The following GPC5 variants were observed in gnomAD, a reference collection of about 807,000 sequenced individuals.
GPC5 encodes the protein glypican 5, also known as glypican-5.
In GPC5, 47 loss-of-function variants were observed where a neutral mutation model predicts 53.9. That is an observed-to-expected ratio of 0.87 (90% CI 0.69 to 1.11). The LOEUF is 1.11. Among genes scored for constraint, GPC5 ranks in the 50% most tolerant of loss-of-function variants. GPC5 has a pLI of 0.00. For missense variants in GPC5, 748 were observed against 713.1 expected, an observed-to-expected ratio of 1.05 and a Z score of -0.56; for synonymous variants, 286 against 263.3, an observed-to-expected ratio of 1.09 and a Z score of -0.84.
At position 92,142,182 on chromosome 13, in the gene GPC5, A is replaced by G. The variant is rs568910292; in HGVS notation, c.1402-2648A>G. Among the ~76,000 whole-genome samples, 53 of 152,342 alleles carry G rather than the reference A, an allele frequency of 3.5e-4. 1 individual carries two copies. Among genetic ancestry groups the G allele is most frequent in the African/African-American group, 1.2e-3 (48 of 41,580 alleles). On this transcript the variant is annotated intron_variant, in intron 6 of 7. Coordinates refer to ENST00000377067, the MANE Select transcript of GPC5 (RefSeq NM_004466.6). Reference sequence around the variant, plus strand: ...TGCACGTTGTGCACATGTACCCTAGAACTTAAAGTATAATTTTTAAAAAAG... The same window carrying G: ...TGCACGTTGTGCACATGTACCCTAGGACTTAAAGTATAATTTTTAAAAAAG...
intron 7 of GPC5, among the ~76,000 whole-genome samples, chr13:92,655,067 A>AT (rs1035451593): frequency 2.6e-5 from 4 of 152,252 alleles, no homozygotes; most frequent in African/African-American, 9.6e-5. Context: ...CCTGAGTTAG[A>AT]TTTTCCCTCA....
chr13:92,312,911 G>T (rs2043154958), intron 7 of GPC5, among the ~76,000 whole-genome samples: 1 of 152,196 alleles, frequency 6.6e-6, no homozygotes, highest in South Asian at 2.1e-4. Context: ...ATACAAATGG[G>T]TAATAAATTT....
chr13:91,630,468 T>C (rs2034127988), intron 2 of GPC5, among the ~76,000 whole-genome samples: 1 of 152,146 alleles, frequency 6.6e-6, no homozygotes, highest in Non-Finnish European at 1.5e-5. Context: ...AGGACAGATA[T>C]AGAAAATATT....
intron 1 of GPC5, among the ~76,000 whole-genome samples, chr13:91,445,359 G>A (rs1309788193): frequency 6.6e-6 from 1 of 152,176 alleles, no homozygotes; most frequent in Non-Finnish European, 1.5e-5. Context: ...CGCATAGACA[G>A]CGGAGATCTC....
At chr13:92,205,459 G>A (rs919248796) in intron 7 of GPC5, among the ~76,000 whole-genome samples, 8 of 152,100 alleles carry the variant, frequency 5.3e-5, no homozygotes, top group African/African-American at 1.9e-4. Context: ...GGCCCAGGCA[G>A]CCCACTATAA....
chr13:92,750,715 G>A (rs1889363963), intron 7 of GPC5, among the ~76,000 whole-genome samples: 2 of 152,112 alleles, frequency 1.3e-5, no homozygotes, highest in African/African-American at 4.8e-5. Flanking sequence ...ATCCAAAAGA[G>A]GGTTAATTCT....
chr13:91,528,598 A>AC (rs1886194613), intron 2 of GPC5, among the ~76,000 whole-genome samples: 1 of 152,112 alleles, frequency 6.6e-6, no homozygotes, highest in African/African-American at 2.4e-5. Flanking sequence ...CTCATTACCC[A>AC]CATCCAAAGT....
intron 7 of GPC5, among the ~76,000 whole-genome samples, chr13:92,615,260 T>C (rs1884642558): frequency 6.6e-6 from 1 of 152,226 alleles, no homozygotes; most frequent in Non-Finnish European, 1.5e-5. Context: ...CTTAGCATTA[T>C]AGACAATTTC....
intron 1 of GPC5, among the ~76,000 whole-genome samples, chr13:91,441,320 A>G (rs1035638765): frequency 2.2e-4 from 34 of 152,354 alleles, no homozygotes; most frequent in African/African-American, 7.5e-4. Flanking sequence ...AGGTGTTATC[A>G]GACCTTCATT....
At chr13:92,336,290 CTTATAA>C (rs766782071) in intron 7 of GPC5, among the ~76,000 whole-genome samples, 27 of 152,144 alleles carry the variant, frequency 1.8e-4, no homozygotes, top group Non-Finnish European at 3.7e-4. Context: ...TAATCAGTAA[CTTATAA>C]TTATCAGGTA....
chr13:92,561,143 A>G (rs150855602), intron 7 of GPC5, among the ~76,000 whole-genome samples: 34 of 152,076 alleles, frequency 2.2e-4, no homozygotes, highest in African/African-American at 7.7e-4. Context: ...CGGTGAAGTA[A>G]TAGTGTAACA....
In GPC5 at chr13:91,693,515, C is replaced by G. The variant is rs1452657655; in HGVS notation, c.654C>G (p.Ser218=). 1 of 1,614,062 alleles carries G rather than the reference C, an allele frequency of 6.2e-7. No individual in the cohort carries two copies. The highest frequency in any genetic ancestry group is 1.1e-5 in the South Asian group (1 of 91,078). ...PQRVMGQMGR[S]LLPSRTFLQA... Reference sequence around the variant, plus strand: ...GAGTAATGGGACAGATGGGGAGGTCCCTGCTGCCCAGCCGCACTTTTCTGC... The same window carrying G: ...GAGTAATGGGACAGATGGGGAGGTCGCTGCTGCCCAGCCGCACTTTTCTGC... Residue 218 remains serine (S), a synonymous_variant, in exon 3 of 8, where the codon TCC becomes TCG. Transcript: ENST00000377067.
chr13:92,565,324 T>G (rs1050999481), intron 7 of GPC5, among the ~76,000 whole-genome samples: 2 of 152,114 alleles, frequency 1.3e-5, no homozygotes, highest in African/African-American at 4.8e-5. Flanking sequence ...CACCTTGGTT[T>G]TTTTATTTCT....
chr13:91,999,457 T>C (rs2040535253), intron 6 of GPC5, among the ~76,000 whole-genome samples: 1 of 152,204 alleles, frequency 6.6e-6, no homozygotes, highest in Non-Finnish European at 1.5e-5. Context: ...AAATTTTACT[T>C]CATTATATTT....
chr13:91,680,404 G>T (rs951753742), intron 2 of GPC5, among the ~76,000 whole-genome samples: 2 of 152,126 alleles, frequency 1.3e-5, no homozygotes, highest in African/African-American at 4.8e-5. Flanking sequence ...AGCAAAGATC[G>T]CAACACTGCA....
At chr13:91,947,374 T>C (rs2039983431) in intron 6 of GPC5, among the ~76,000 whole-genome samples, 2 of 152,344 alleles carry the variant, frequency 1.3e-5, no homozygotes, top group Non-Finnish European at 2.9e-5. Flanking sequence ...TTTTGAGTAA[T>C]TTCTCCCTTT....
chr13:92,039,412 T>A (rs1047509924), intron 6 of GPC5, among the ~76,000 whole-genome samples: 1 of 152,204 alleles, frequency 6.6e-6, no homozygotes, highest in African/African-American at 2.4e-5. Flanking sequence ...CTCCTCATCA[T>A]AACAGCAGTG....
chr13:92,329,078 G>A (rs928714336), intron 7 of GPC5, among the ~76,000 whole-genome samples: 1 of 152,122 alleles, frequency 6.6e-6, no homozygotes, highest in South Asian at 2.1e-4. Flanking sequence ...CAGAATTTAA[G>A]TGAGTACAGT....
At chr13:92,711,053 A>G (rs547095140) in intron 7 of GPC5, among the ~76,000 whole-genome samples, 1 of 152,356 alleles carries the variant, frequency 6.6e-6, no homozygotes, top group South Asian at 2.1e-4. Context: ...CACTATTCGT[A>G]CAGTCCCACT....
Sources: gnomAD v4.1 joint callset for allele counts (sites outside exome capture counted in the v4.1 genomes callset) on GRCh38, gnomAD v4.1.1 for gene constraint, MANE v1.5 for transcripts, NCBI Gene and HGNC (gene_info 2026-07-23, HGNC 2026-07-21) for gene names.